FOXP2: variants seen among roughly 807,000 people sequenced by gnomAD.
FOXP2 encodes forkhead box P2.
Under a neutral mutation model 115.8 loss-of-function variants are expected in FOXP2, and 12 were observed. The ratio of observed to expected loss-of-function variants is 0.10; its 90% CI spans 0.07 to 0.17. FOXP2 has a LOEUF of 0.17. Among genes scored for constraint, FOXP2 ranks in the 10% least tolerant of loss-of-function variants. The pLI is 1.00. For synonymous variants in FOXP2, 328 were observed against 297.7 expected (o/e 1.10, Z -1.05); for missense variants, 629 against 843.5 (o/e 0.75, Z 3.15).
At chr7:114,620,922 T>C (rs1275140669) in intron 3 of FOXP2, among the ~76,000 whole-genome samples, 1 of 152,016 alleles carries the variant, frequency 6.6e-6, no homozygotes, top group Non-Finnish European at 1.5e-5. Flanking sequence ...CCTAGGGGTA[T>C]ACTACATTAA....
chr7:114,428,539 A>G (rs979275625), intron 2 of FOXP2, among the ~76,000 whole-genome samples: 3 of 151,528 alleles, frequency 2.0e-5, no homozygotes, highest in South Asian at 2.1e-4. Context: ...CACAATGGGT[A>G]TGGTGGGTGC....
chr7:114,462,116 A>C (rs1241501221), intron 2 of FOXP2, among the ~76,000 whole-genome samples: 1 of 151,320 alleles, frequency 6.6e-6, no homozygotes, highest in Non-Finnish European at 1.5e-5. Context: ...CCCCGTCTCT[A>C]CTAAAAATAC....
intron 1 of FOXP2, among the ~76,000 whole-genome samples, chr7:114,098,049 C>A (rs1440521677): frequency 1.3e-5 from 2 of 152,104 alleles, no homozygotes; most frequent in Non-Finnish European, 2.9e-5. Flanking sequence ...GCCTATGGGA[C>A]ATAGAGCATG....
At chr7:114,442,349 T>A (rs1584740645) in intron 2 of FOXP2, among the ~76,000 whole-genome samples, 1 of 63,096 alleles carries the variant, frequency 1.6e-5, no homozygotes, top group African/African-American at 8.5e-5. Flanking sequence ...GCAAGAGGGA[T>A]TTTTTTTTTT....
chr7:114,591,336 G>A (rs530810369), intron 3 of FOXP2, among the ~76,000 whole-genome samples: 15 of 152,120 alleles, frequency 9.9e-5, no homozygotes, highest in African/African-American at 2.4e-4. Flanking sequence ...TTGATCATCT[G>A]TCTAAAATTC....
At chr7:114,671,798 C>G (rs947123984) in intron 16 of FOXP2, among the ~76,000 whole-genome samples, 1 of 152,100 alleles carries the variant, frequency 6.6e-6, no homozygotes, top group African/African-American at 2.4e-5. Flanking sequence ...AAGAGACTTA[C>G]ATAAAGTCAA....
At chr7:114,616,848 G>A (rs561938313) in intron 3 of FOXP2, among the ~76,000 whole-genome samples, 1 of 152,256 alleles carries the variant, frequency 6.6e-6, no homozygotes, top group South Asian at 2.1e-4. Flanking sequence ...CTCGAGGCTG[G>A]AAGATTGCTT....
In FOXP2 at chr7:114,225,179, G is replaced by A. The variant is rs569440742; in HGVS notation, c.-102+62091G>A. 2.0e-5 allele frequency among the ~76,000 whole-genome samples: 3 copies of A among 151,986 alleles called. No homozygotes were observed. The South Asian group carries it at 6.2e-4, about 32-fold the overall frequency. ...CACTTGTCTGCTTTGAGTATTAAGG[G>A]GTGGGGTATGTTGCTTCTTACTTTA... On this transcript the variant is annotated intron_variant, in intron 1 of 17. Coordinates refer to the FOXP2 transcript ENST00000634411.
At chr7:114,179,039 C>T (rs1032286141) in intron 1 of FOXP2, among the ~76,000 whole-genome samples, 2 of 151,834 alleles carry the variant, frequency 1.3e-5, no homozygotes, top group Admixed American at 6.6e-5. Flanking sequence ...ACTGAGTACC[C>T]AATTATTGCC....
At chr7:114,259,508 C>G (rs80161566) in intron 1 of FOXP2, among the ~76,000 whole-genome samples, 2,810 of 152,240 alleles carry the variant, frequency 0.018, 45 homozygotes, top group Non-Finnish European at 0.029. Context: ...TCAGAAGTAT[C>G]TGCTACCTTC....
chr7:114,323,948 C>T (rs1797491622), intron 2 of FOXP2, among the ~76,000 whole-genome samples: 1 of 151,790 alleles, frequency 6.6e-6, no homozygotes, highest in African/African-American at 2.4e-5. Context: ...AACTCTTATT[C>T]TTTTTATTTT....
At chr7:114,258,124 A>G (rs1485550934) in intron 1 of FOXP2, among the ~76,000 whole-genome samples, 1 of 152,224 alleles carries the variant, frequency 6.6e-6, no homozygotes, top group Non-Finnish European at 1.5e-5. Flanking sequence ...GTGGGATCAA[A>G]GGCAAAACCA....
At chr7:114,320,041 C>T (rs1176650179) in intron 2 of FOXP2, among the ~76,000 whole-genome samples, 3 of 152,140 alleles carry the variant, frequency 2.0e-5, no homozygotes, top group Non-Finnish European at 4.4e-5. Context: ...ATAAAGCATC[C>T]TGTTTCTTCC....
chr7:114,571,151 C>G (rs1010158382), intron 3 of FOXP2, among the ~76,000 whole-genome samples: 5 of 151,862 alleles, frequency 3.3e-5, no homozygotes, highest in Non-Finnish European at 5.9e-5. Context: ...CACCACTATA[C>G]TTTTCTTGAA....
chr7:114,562,539 T>C (rs1004546726), intron 3 of FOXP2, among the ~76,000 whole-genome samples: 5 of 152,180 alleles, frequency 3.3e-5, no homozygotes, highest in Non-Finnish European at 5.9e-5. Flanking sequence ...TTATATCCCT[T>C]TGTATCATAA....
Position 114,690,036 on chromosome 7 carries a change from G to A in FOXP2, c.*110G>A. On this transcript the variant is annotated 3_prime_UTR_variant, in exon 17 of 17. Transcript: ENST00000350908. ...TTACTGTGACTATTTATTAAGCATGGATAAAGGAGACAGCCCTAAAGGAAC... is the reference window on the plus strand; with the variant it reads ...TTACTGTGACTATTTATTAAGCATGAATAAAGGAGACAGCCCTAAAGGAAC... 7.3e-7 allele frequency: 1 copy of A among 1,361,488 alleles called. No homozygotes were observed. The highest frequency in any genetic ancestry group is 1.0e-6 in the Non-Finnish European group (1 of 966,732). 84.3% of individuals were successfully genotyped at this position (1,361,488 alleles called of 1,614,324 possible).
chr7:114,503,813 G>T (rs1281751106), intron 2 of FOXP2, among the ~76,000 whole-genome samples: 1 of 150,824 alleles, frequency 6.6e-6, no homozygotes, highest in African/African-American at 2.4e-5. Context: ...GTCCCCACTG[G>T]TTCCTTAATA....
At chr7:114,330,735 A>C (rs1426832266) in intron 2 of FOXP2, among the ~76,000 whole-genome samples, 1 of 152,046 alleles carries the variant, frequency 6.6e-6, no homozygotes, top group Non-Finnish European at 1.5e-5. Context: ...TATATTATTT[A>C]GTCTCAATAA....
intron 4 of FOXP2, chr7:114,629,552 G>C: frequency 6.6e-7 from 1 of 1,510,242 alleles, no homozygotes; most frequent in South Asian, 1.2e-5. Context: ...ATTTGGCTCT[G>C]ACCCTTTAGA....
Sources: allele counts gnomAD v4.1 joint callset (sites outside exome capture counted in the v4.1 genomes callset), GRCh38; gene constraint gnomAD v4.1.1; transcripts MANE v1.5; gene names NCBI Gene and HGNC (gene_info 2026-07-23, HGNC 2026-07-21).